The following OTUD7A variants were observed in gnomAD, a reference collection of about 807,000 sequenced individuals.
OTUD7A encodes the protein OTU deubiquitinase 7A.
Under a neutral mutation model 65.7 loss-of-function variants are expected in OTUD7A, and 12 were observed. That is an observed-to-expected ratio of 0.18 (90% CI 0.12 to 0.30). OTUD7A has a LOEUF of 0.30. Among genes scored for constraint, OTUD7A ranks in the 10% least tolerant of loss-of-function variants. The pLI, the probability that OTUD7A is intolerant of heterozygous loss-of-function variation, is 1.00. For missense variants in OTUD7A, 1,148 were observed against 1,304.8 expected, an observed-to-expected ratio of 0.88 and a Z score of 1.85; for synonymous variants, 641 against 586.3, an observed-to-expected ratio of 1.09 and a Z score of -1.35.
chr15:31,719,930 C>T (rs1374153542), intron 1 of OTUD7A, among the ~76,000 whole-genome samples: 4 of 152,140 alleles, frequency 2.6e-5, no homozygotes, highest in Non-Finnish European at 5.9e-5. Flanking sequence ...ACCATCCTCC[C>T]CGTCTGGGGA....
chr15:31,511,781 T>TCTATATGTAACATACATATATATGTATAA lies in OTUD7A; in HGVS notation c.894-7964_894-7963insTTATACATATATATGTATGTTACATATAG, dbSNP rs1252185472. 3.3e-5 allele frequency among the ~76,000 whole-genome samples: 5 copies of TCTATATGTAACATACATATATATGTATAA among 151,470 alleles called. 1 individual carries two copies. The highest frequency in any genetic ancestry group is 7.4e-5 in the Non-Finnish European group (5 of 67,870). On this transcript the variant is annotated intron_variant, in intron 8 of 12. Coordinates refer to ENST00000307050, the MANE Select transcript of OTUD7A (RefSeq NM_001382637.1). ...TATGTAACATACATATATATGTATA[T>TCTATATGTAACATACATATATATGTATAA]ATATTTTACTATCGGAGGTTTGTGT...
At chr15:31,749,934 A>T (rs534189861) in intron 1 of OTUD7A, among the ~76,000 whole-genome samples, 1 of 152,272 alleles carries the variant, frequency 6.6e-6, no homozygotes, top group African/African-American at 2.4e-5. Flanking sequence ...TCAAGCTGGG[A>T]GTCAAATCAA....
At chr15:31,779,101 G>A (rs1418445227) in intron 1 of OTUD7A, among the ~76,000 whole-genome samples, 1 of 152,140 alleles carries the variant, frequency 6.6e-6, no homozygotes, top group African/African-American at 2.4e-5. Context: ...CATTTTAGAA[G>A]ATTGTCTTCC....
At chr15:31,690,571 T>C (rs1051150033) in intron 1 of OTUD7A, among the ~76,000 whole-genome samples, 5 of 152,246 alleles carry the variant, frequency 3.3e-5, no homozygotes, top group African/African-American at 1.2e-4. Flanking sequence ...CCACACAAGG[T>C]AGACCAGAAA....
In OTUD7A at chr15:31,479,829, T is replaced by G. The variant is rs779284584; in HGVS notation, c.*3465A>C. On this transcript the variant is annotated 3_prime_UTR_variant, in exon 13 of 13. Transcript: ENST00000307050. Reference sequence around the variant, plus strand: ...TACGAGAAGTAGTAAATTAAATCATTTGGGAAAACATTCGATTTGTAAATA... The same window carrying G: ...TACGAGAAGTAGTAAATTAAATCATGTGGGAAAACATTCGATTTGTAAATA... The G allele has an allele frequency of 6.6e-6, 1 of 152,150 alleles. No homozygotes were observed. The highest frequency in any genetic ancestry group is 1.5e-5 in the Non-Finnish European group (1 of 68,016). 9.4% of individuals were successfully genotyped at this position (152,150 alleles called of 1,614,324 possible). A position where few individuals can be genotyped will look rare whatever the true frequency, so the allele number is the denominator to read the frequency against.
chr15:31,847,418 T>C (rs901654617), intron 1 of OTUD7A, among the ~76,000 whole-genome samples: 1 of 152,146 alleles, frequency 6.6e-6, no homozygotes, highest in Non-Finnish European at 1.5e-5. Context: ...TCTCGTTCCT[T>C]TACTACGAGA....
Position 31,483,198 on chromosome 15 carries a change from C to T in OTUD7A, c.*96G>A. On this transcript the variant is annotated 3_prime_UTR_variant, in exon 13 of 13. Coordinates refer to ENST00000307050, the MANE Select transcript of OTUD7A (RefSeq NM_001382637.1). ...ACGGCACTGACAGAGGAGGCGCCGG[C>T]CTTCCGGTGGACCAGGGCATGTAAA... 9.8e-7 allele frequency: 1 copy of T among 1,019,854 alleles called. No homozygotes were observed. The highest frequency in any genetic ancestry group is 1.2e-6 in the Non-Finnish European group (1 of 850,114). The allele number at this position is 1,019,854 out of a possible 1,614,324, so 63.2% of individuals were successfully genotyped here.
chr15:31,727,358 C>CAGG (rs1893920022), intron 1 of OTUD7A, among the ~76,000 whole-genome samples: 1 of 152,222 alleles, frequency 6.6e-6, no homozygotes, highest in South Asian at 2.1e-4. Context: ...CCAGCCCAGG[C>CAGG]AGGAATACCA....
In OTUD7A at chr15:31,526,477, C is replaced by T. The variant is rs753600577; in HGVS notation, c.781-16G>A. 21 of 1,555,146 alleles carry T rather than the reference C, an allele frequency of 1.4e-5. No individual in the cohort carries two copies. The highest frequency in any genetic ancestry group is 2.7e-5 in the African/African-American group (2 of 73,878). On this transcript the variant is annotated splice_polypyrimidine_tract_variant and intron_variant, in intron 7 of 12. Coordinates refer to ENST00000307050, the MANE Select transcript of OTUD7A (RefSeq NM_001382637.1). ...CCAGCCCTGACTGGCAGAGGGGAGC[C>T]GGCTCAGAAGGGGGGTGGGCCACAG...
chr15:31,844,732 T>C (rs1897259472), intron 1 of OTUD7A, among the ~76,000 whole-genome samples: 1 of 152,120 alleles, frequency 6.6e-6, no homozygotes, highest in Non-Finnish European at 1.5e-5. Context: ...AAACATCAAT[T>C]ACAAAAGCAA....
In OTUD7A at chr15:31,498,175, G is replaced by A. The variant is rs2041415499; in HGVS notation, c.1171+3515C>T. On this transcript the variant is annotated intron_variant, in intron 10 of 12. Coordinates refer to ENST00000307050, the MANE Select transcript of OTUD7A (RefSeq NM_001382637.1). This position sits in a 1 kb window ranked among gnomAD's most constrained non-coding sequence, Gnocchi z 4.2. ...GACTGTAGAGCCTCCTGGGGTATTT[G>A]AGGGTATGCTCAGCACACCTGTGTC... Among the ~76,000 whole-genome samples, 1 of 152,208 alleles carries A rather than the reference G, an allele frequency of 6.6e-6. No individual in the cohort carries two copies. Among genetic ancestry groups the A allele is most frequent in the Admixed American group, 6.5e-5 (1 of 15,294 alleles).
At position 31,753,707 on chromosome 15, in the gene OTUD7A, TA is replaced by T. The variant is rs1567004952; in HGVS notation, c.-99-96631del. Among the ~76,000 whole-genome samples the T allele has an allele frequency of 2.7e-3, 206 of 75,336 alleles. 3 individuals are homozygous for T. The highest frequency in any genetic ancestry group is 6.2e-3 in the East Asian group (17 of 2,742). The allele number at this position is 75,336 out of a possible 152,430, so 49.4% of individuals were successfully genotyped here. Reference sequence around the variant, plus strand: ...GTGAGATATATATATATATATTATATATATATATATATATTATATATATATA... The same window carrying T: ...GTGAGATATATATATATATATTATATTATATATATATATTATATATATATA... On this transcript the variant is annotated intron_variant, in intron 1 of 12. Coordinates refer to ENST00000307050, the MANE Select transcript of OTUD7A (RefSeq NM_001382637.1).
intron 1 of OTUD7A, among the ~76,000 whole-genome samples, chr15:31,843,346 A>C (rs1196451010): frequency 1.3e-5 from 2 of 151,984 alleles, no homozygotes; most frequent in East Asian, 3.8e-4. Flanking sequence ...AAAAAAAAAA[A>C]AAACCCCAAC....
chr15:31,645,892 C>A (rs1355885407), intron 3 of OTUD7A, among the ~76,000 whole-genome samples: 1 of 152,202 alleles, frequency 6.6e-6, no homozygotes, highest in East Asian at 1.9e-4. Flanking sequence ...AGGGCCTACT[C>A]TTCTTTCTTC....
At chr15:31,724,515 T>C (rs1385443382) in intron 1 of OTUD7A, among the ~76,000 whole-genome samples, 1 of 152,224 alleles carries the variant, frequency 6.6e-6, no homozygotes, top group African/African-American at 2.4e-5. Flanking sequence ...ACCACATTTA[T>C]CATACACAAT....
intron 8 of OTUD7A, among the ~76,000 whole-genome samples, chr15:31,510,539 ATG>A (rs1566891659): frequency 8.7e-5 from 12 of 137,948 alleles, no homozygotes; most frequent in African/African-American, 2.2e-4. Flanking sequence ...TAACATACAT[ATG>A]TATATCTATA....
Position 31,484,591 on chromosome 15 carries a change from TCCTTGC to T in OTUD7A, c.1499_1504del (p.Gly500_Lys501del). 1 of 1,609,248 alleles carries T rather than the reference TCCTTGC, an allele frequency of 6.2e-7. No homozygotes were observed. Among genetic ancestry groups the T allele is most frequent in the Non-Finnish European group, 8.5e-7 (1 of 1,178,698 alleles). On this transcript the variant is annotated inframe_deletion, in exon 13 of 13. Coordinates refer to ENST00000307050, the MANE Select transcript of OTUD7A (RefSeq NM_001382637.1). The surrounding 1 kb of genome is among the most constrained non-coding windows in gnomAD (Gnocchi z 4.5). The stretch of plus-strand genomic sequence containing the variant: ...CTTGCGCTGCTTCTCCTTCTCCTTG[TCCTTGC>T]CGTTCTTGCCGTTATTGCTGTTAGA...
chr15:31,858,402 C>G (rs1897633895), intron 1 of OTUD7A, among the ~76,000 whole-genome samples: 1 of 152,156 alleles, frequency 6.6e-6, no homozygotes, highest in African/African-American at 2.4e-5. Flanking sequence ...AGGGGAAATT[C>G]CAGACAGAGA....
rs1299792467 is a variant in OTUD7A at position 31,633,099 on chromosome 15, C to T, written c.151+21997G>A. 2.0e-5 allele frequency among the ~76,000 whole-genome samples: 3 copies of T among 152,218 alleles called. No homozygotes were observed. The East Asian group carries it at 5.8e-4, about 29-fold the overall frequency. On this transcript the variant is annotated intron_variant, in intron 3 of 12. Transcript: ENST00000307050. ...AGTGAGGCAATGCCTTGCCCTGCTT[C>T]GGCCCACGCACAGTGCGCTGCACCC...
Sources: gnomAD v4.1 joint callset for allele counts (sites outside exome capture counted in the v4.1 genomes callset) on GRCh38, gnomAD v4.1.1 for gene constraint, Gnocchi (gnomAD v3.1) non-coding constraint, MANE v1.5 for transcripts, NCBI Gene and HGNC (gene_info 2026-07-23, HGNC 2026-07-21) for gene names.